SLFN14: variants seen among roughly 807,000 people sequenced by gnomAD.
SLFN14 encodes the protein protein SLFN14.
In SLFN14, 47 loss-of-function variants were observed where a neutral mutation model predicts 58.6. That is an observed-to-expected ratio of 0.80 (90% CI 0.64 to 1.02). SLFN14 has a LOEUF of 1.02. Among genes scored for constraint, SLFN14 ranks in the 50% least tolerant of loss-of-function variants. The pLI is 0.00. For missense variants in SLFN14, 967 were observed against 1,078.4 expected (o/e 0.90, Z 1.45); for synonymous variants, 390 against 387.3 (o/e 1.01, Z -0.08).
chr17:35,554,845 A>T (rs551455249), intron 3 of SLFN14, 141 bp from the exon 4 acceptor site: 25 of 570,428 alleles, frequency 4.4e-5, no homozygotes, highest in Non-Finnish European at 6.4e-5. Flanking sequence ...ACTATGCGTC[A>T]GACAGCTCAC....
rs2142192528 is a variant in SLFN14, at chr17:35,546,073, T to C, written c.*2166A>G. Among the ~76,000 whole-genome samples, 1 of 152,346 alleles carries C rather than the reference T, an allele frequency of 6.6e-6. No individual in the cohort carries two copies. The highest frequency in any genetic ancestry group is 2.1e-4 in the South Asian group (1 of 4,824). On this transcript the variant is annotated 3_prime_UTR_variant, in exon 6 of 6. Coordinates refer to ENST00000674182, the MANE Select transcript of SLFN14 (RefSeq NM_001129820.2). ...CTTTTATTAAAAATTATATGATGCA[T>C]GCATATATTTTAAAAAGTCAAATGG...
At chr17:35,555,386 A>C (rs921246407) in intron 3 of SLFN14, among the ~76,000 whole-genome samples, 48 of 144,968 alleles carry the variant, frequency 3.3e-4, no homozygotes, top group African/African-American at 1.2e-3. Context: ...AAAAAAAAAA[A>C]TACAAAAAAA....
In SLFN14 at chr17:35,552,880, T is replaced by C. The variant is rs1336760590; in HGVS notation, c.1754A>G (p.Lys585Arg). The part of the protein sequence containing the change: ...QSQLLSESLQ[K>R]TRELFIYCFP... ...GCAGTAGATGAATAATTCACGTGTC[T>C]TCTGAAGACTCTCAGAAAGCAACTG... Residue 585 changes from lysine to arginine, a missense_variant, in exon 5 of 6, where the codon AAG becomes AGG. Coordinates refer to ENST00000674182, the MANE Select transcript of SLFN14 (RefSeq NM_001129820.2). 2.6e-6 allele frequency: 4 copies of C among 1,551,570 alleles called. No individual in the cohort carries two copies. The South Asian group carries it at 3.6e-5, about 14-fold the overall frequency.
intron 5 of SLFN14, 117 bp from the exon 6 acceptor site, chr17:35,549,190 C>T (rs891117025): frequency 8.7e-6 from 7 of 800,758 alleles, no homozygotes; most frequent in Non-Finnish European, 1.4e-5. Flanking sequence ...GTCATTGATT[C>T]AGTAGTGTGA....
chr17:35,548,719 A>AGGATT lies in SLFN14; in HGVS notation c.2254_2258dup (p.Pro754IlefsTer11). 6.4e-7 allele frequency: 1 copy of AGGATT among 1,551,698 alleles called. No individual in the cohort carries two copies. Among genetic ancestry groups the AGGATT allele is most frequent in the Non-Finnish European group, 8.7e-7 (1 of 1,146,998 alleles). On this transcript the variant is annotated frameshift_variant, in exon 6 of 6. Coordinates refer to ENST00000674182, the MANE Select transcript of SLFN14 (RefSeq NM_001129820.2). LOFTEE classifies it low-confidence loss of function (END_TRUNC). The stretch of plus-strand genomic sequence containing the variant: ...ATGTGTCTGGAGACATGTTGGAGGG[A>AGGATT]GGATTTTCTTTGATCCTCTTCATTT...
chr17:35,553,509 G>A (rs1030447075), intron 4 of SLFN14, 65 bp from the exon 5 acceptor site: 71 of 1,283,168 alleles, frequency 5.5e-5, no homozygotes, highest in South Asian at 2.6e-4. Flanking sequence ...TTCCTGCAAC[G>A]TTGCAGAAAA....
intron 2 of SLFN14, among the ~76,000 whole-genome samples, chr17:35,559,365 C>G (rs1474898485): frequency 6.6e-6 from 1 of 152,184 alleles, no homozygotes; most frequent in Non-Finnish European, 1.5e-5. Flanking sequence ...TTCACATGTT[C>G]TAAATCTCAA....
rs11350518 is a variant in SLFN14, at chr17:35,555,551, CAA to C, written c.1061-849_1061-848del. ...TAGGCGACAAAGCAAGACCCTGTCT[CAA>C]AAAAAAAAAAAAATGTTGTTACAGT... On this transcript the variant is annotated intron_variant, in intron 3 of 5. Coordinates refer to ENST00000674182, the MANE Select transcript of SLFN14 (RefSeq NM_001129820.2). Among the ~76,000 whole-genome samples the C allele has an allele frequency of 4.4e-3, 621 of 141,168 alleles. 5 individuals carry two copies. The highest frequency in any genetic ancestry group is 0.011 in the African/African-American group (415 of 38,450). The allele number at this position is 141,168 out of a possible 152,430, so 92.6% of individuals were successfully genotyped here. A position where few individuals can be genotyped will look rare whatever the true frequency, so the allele number is the denominator to read the frequency against.
intron 5 of SLFN14, among the ~76,000 whole-genome samples, chr17:35,552,411 A>G (rs1475148843): frequency 6.6e-6 from 1 of 152,064 alleles, no homozygotes; most frequent in Non-Finnish European, 1.5e-5. Context: ...GCTCACTAAA[A>G]TGCTAATTAG....
intron 3 of SLFN14, among the ~76,000 whole-genome samples, chr17:35,555,180 G>A (rs1421714242): frequency 6.6e-6 from 1 of 152,026 alleles, no homozygotes; most frequent in Non-Finnish European, 1.5e-5. Context: ...AGACCATCCT[G>A]GCTAACACGG....
rs1171031762 is a variant in SLFN14 at position 35,548,754 on chromosome 17, T to A, written c.2224A>T (p.Met742Leu). Reference protein sequence around the residue: ...IHCALEIAKVMKEEMKRIKEN... With the variant: ...IHCALEIAKVLKEEMKRIKEN... ...TTGATCCTCTTCATTTCTTCTTTCATAACCTTCGCTATTTCCAGAGCACAG... is the reference window on the plus strand; with the variant it reads ...TTGATCCTCTTCATTTCTTCTTTCAAAACCTTCGCTATTTCCAGAGCACAG... The change falls in exon 6 of 6, where the codon ATG becomes TTG. Residue 742 changes from methionine (M) to leucine (L), a missense_variant. Physicochemically the swap from Met to Leu is conservative, Grantham distance 15. Transcript: ENST00000674182. The A allele has an allele frequency of 1.7e-5, 26 of 1,551,624 alleles. No homozygotes were observed. The highest frequency in any genetic ancestry group is 2.3e-5 in the Non-Finnish European group (26 of 1,147,000).
intron 5 of SLFN14, among the ~76,000 whole-genome samples, chr17:35,550,827 T>C (rs1190844110): frequency 6.6e-6 from 1 of 152,212 alleles, no homozygotes; most frequent in African/African-American, 2.4e-5. Context: ...AATTTGCATA[T>C]TTTCTAAAAT....
At chr17:35,556,011 G>A (rs1167449037) in intron 3 of SLFN14, among the ~76,000 whole-genome samples, 4 of 152,018 alleles carry the variant, frequency 2.6e-5, no homozygotes, top group African/African-American at 9.7e-5. Context: ...TGGAGTAGTG[G>A]AGTCATTTAT....
At position 35,549,074 on chromosome 17, in the gene SLFN14, CT is replaced by C. The variant is rs1167326860; in HGVS notation, c.1905-2del. 1 of 1,550,318 alleles carries C rather than the reference CT, an allele frequency of 6.5e-7. No individual in the cohort carries two copies. The highest frequency in any genetic ancestry group is 8.7e-7 in the Non-Finnish European group (1 of 1,146,416). On this transcript the variant is annotated splice_acceptor_variant, in intron 5 of 5. Transcript: ENST00000674182. LOFTEE classifies it high-confidence loss of function. ...CACAGCTTGGCAGGTGGTTTGTTGG[CT>C]GTAAGGACGGAAAAAACAGGGCTTG...
At chr17:35,552,152 C>G (rs1258479334) in intron 5 of SLFN14, among the ~76,000 whole-genome samples, 1 of 152,194 alleles carries the variant, frequency 6.6e-6, no homozygotes, top group African/African-American at 2.4e-5. Context: ...GGCACCCCTC[C>G]CGAGGAAATC....
At position 35,548,898 on chromosome 17, in the gene SLFN14, G is replaced by C; in HGVS notation, c.2080C>G (p.Leu694Val). 1 of 1,551,708 alleles carries C rather than the reference G, an allele frequency of 6.4e-7. No homozygotes were observed. Among genetic ancestry groups the C allele is most frequent in the Non-Finnish European group, 8.7e-7 (1 of 1,146,990 alleles). ...AAAAGCCAGAGAATCCCATGGTGAA[G>C]GTTTTCACTTCCAGTCCCCTTCGCC... ...PKAKGTGSEN[L>V]HHGILWLFLD... is the part of the protein sequence containing the mutation. Residue 694 changes from leucine to valine, a missense_variant, in exon 6 of 6, where the codon CTT becomes GTT. Coordinates refer to ENST00000674182, the MANE Select transcript of SLFN14 (RefSeq NM_001129820.2).
intron 5 of SLFN14, among the ~76,000 whole-genome samples, chr17:35,552,304 A>G (rs953615586): frequency 5.5e-4 from 84 of 152,256 alleles, no homozygotes; most frequent in Non-Finnish European, 9.6e-4. Context: ...TAGGCTGACT[A>G]AAAATCCCTA....
At chr17:35,554,505 T>G in intron 4 of SLFN14, 71 bp downstream of exon 4, 1 of 1,362,890 alleles carries the variant, frequency 7.3e-7, no homozygotes, top group Non-Finnish European at 9.6e-7. Flanking sequence ...CCTGAACTCA[T>G]TACTACTAAC....
In SLFN14 at chr17:35,548,261, T is replaced by A; in HGVS notation, c.2717A>T (p.Tyr906Phe). Residue 906 changes from tyrosine (Y) to phenylalanine (F), a missense_variant, in exon 6 of 6, where the codon TAT becomes TTT. Physicochemically the swap from Tyr to Phe is conservative, Grantham distance 22 (BLOSUM62 3). Transcript: ENST00000674182. ...TTTTCAGTAGGCTGCCCTCTTTTCA[T>A]AAAGCAGGTAGAGGTGTTTAATGGC... ...SRAIKHLYLL[Y>F]EKRAAY 2.6e-6 allele frequency: 4 copies of A among 1,551,306 alleles called. No individual in the cohort carries two copies. The highest frequency in any genetic ancestry group is 3.5e-6 in the Non-Finnish European group (4 of 1,146,714).
Sources: gnomAD v4.1 joint callset for allele counts (sites outside exome capture counted in the v4.1 genomes callset) on GRCh38, gnomAD v4.1.1 for gene constraint, MANE v1.5 for transcripts, NCBI Gene and HGNC (gene_info 2026-07-23, HGNC 2026-07-21) for gene names.